Variants in LUC7L2 observed in about 807,000 individuals in gnomAD.
The protein encoded by LUC7L2 is putative RNA-binding protein Luc7-like 2.
A neutral mutation model predicts 52.8 loss-of-function variants in LUC7L2; 25 were observed. The observed-to-expected ratio is 0.47, with a 90% CI of 0.34 to 0.66. The LOEUF (loss-of-function observed/expected upper bound fraction) is 0.66. LUC7L2 is among the 30% of genes least tolerant of loss of function. The pLI, the probability that LUC7L2 is intolerant of heterozygous loss-of-function variation, is 0.01. For synonymous variants in LUC7L2, 144 were observed against 160.9 expected, an observed-to-expected ratio of 0.89 and a Z score of 0.80; for missense variants, 328 against 497.8, an observed-to-expected ratio of 0.66 and a Z score of 3.25.
At chr7:139,340,688 T>C (rs893093549) in intron 1 of LUC7L2, 8 of 393,206 alleles carry the variant, frequency 2.0e-5, no homozygotes, top group Admixed American at 4.4e-5. Flanking sequence ...TGTGAGCGCG[T>C]CGTTTGCAGA....
chr7:139,345,217 C>T (rs1336951410), intron 1 of LUC7L2, among the ~76,000 whole-genome samples: 1 of 152,090 alleles, frequency 6.6e-6, no homozygotes, highest in East Asian at 1.9e-4. Flanking sequence ...TTAGTTTCCT[C>T]ATCTGTAAAA....
chr7:139,412,536 A>ACTTTTT lies in LUC7L2; in HGVS notation c.780-15_780-14insCTTTTT. The ACTTTTT allele has an allele frequency of 7.0e-7, 1 of 1,427,928 alleles. No homozygotes were observed. The highest frequency in any genetic ancestry group is 1.3e-5 in the South Asian group (1 of 78,336). The allele number at this position is 1,427,928 out of a possible 1,614,324, so 88.5% of individuals were successfully genotyped here. On this transcript the variant is annotated splice_polypyrimidine_tract_variant and intron_variant, in intron 7 of 9. Coordinates refer to ENST00000354926, the MANE Select transcript of LUC7L2 (RefSeq NM_016019.5). ...TATAGCCACTTTTCTAAAAATACAT[A>ACTTTTT]TTTTTTTTTTTTAGGTCCCGATCAC...
intron 8 of LUC7L2, chr7:139,416,838 T>C (rs1478083355): frequency 2.6e-5 from 4 of 152,258 alleles, no homozygotes; most frequent in Admixed American, 2.0e-4. Context: ...TTCTCTTCCC[T>C]TCTGTCCAGG....
chr7:139,405,913 A>G (rs1795092927), intron 5 of LUC7L2, 126 bp downstream of exon 5: 1 of 1,326,840 alleles, frequency 7.5e-7, no homozygotes, highest in Non-Finnish European at 9.8e-7. Context: ...ATTATTGAAC[A>G]GTTGTTAAAG....
At position 139,360,181 on chromosome 7, in the gene LUC7L2, C is replaced by T. The variant is rs1799789206; in HGVS notation, c.-81C>T. The T allele has an allele frequency of 9.2e-7, 1 of 1,092,288 alleles. No individual in the cohort carries two copies. Among genetic ancestry groups the T allele is most frequent in the Non-Finnish European group, 1.3e-6 (1 of 752,628 alleles). 67.7% of individuals were successfully genotyped at this position (1,092,288 alleles called of 1,614,324 possible). On this transcript the variant is annotated 5_prime_UTR_variant, in exon 1 of 10. Coordinates refer to ENST00000354926, the MANE Select transcript of LUC7L2 (RefSeq NM_016019.5). ...CACCGAGACAGCAGCGCACCTTCCC[C>T]CATCCCTTCCCCTTATCCCCCAGCC... is the stretch of plus-strand genomic sequence containing the variant.
chr7:139,351,612 C>T (rs934329337), intron 1 of LUC7L2, among the ~76,000 whole-genome samples: 1 of 152,218 alleles, frequency 6.6e-6, no homozygotes, highest in African/African-American at 2.4e-5. Context: ...TAACAAGAAC[C>T]TCCAGGGCCT....
In LUC7L2 at chr7:139,375,554, C is replaced by T; in HGVS notation, c.62-508C>T. ...TGGAACAAAATAGTGGAAGAAATGG[C>T]GTCTGGGGTTCAGTGGGGATTCGCA... On this transcript the variant is annotated intron_variant, in intron 1 of 9. Coordinates refer to ENST00000354926, the MANE Select transcript of LUC7L2 (RefSeq NM_016019.5). 4 of 985,494 alleles carry T rather than the reference C, an allele frequency of 4.1e-6. No homozygotes were observed. The South Asian group carries it at 1.4e-4, about 35-fold the overall frequency. The allele number at this position is 985,494 out of a possible 1,614,324, so 61.0% of individuals were successfully genotyped here.
At chr7:139,396,176 C>T (rs955191913) in intron 2 of LUC7L2, among the ~76,000 whole-genome samples, 9 of 152,134 alleles carry the variant, frequency 5.9e-5, no homozygotes, top group African/African-American at 2.2e-4. Flanking sequence ...TGCAGTTGCT[C>T]ATACCTGTAA....
At chr7:139,343,921 G>A (rs1799127770) in intron 1 of LUC7L2, among the ~76,000 whole-genome samples, 1 of 100,866 alleles carries the variant, frequency 9.9e-6, no homozygotes, top group African/African-American at 6.3e-5. Context: ...GTGAGACCCT[G>A]TCCCCAAAAA....
intron 2 of LUC7L2, among the ~76,000 whole-genome samples, chr7:139,387,472 G>T (rs1041295017): frequency 6.6e-6 from 1 of 152,166 alleles, no homozygotes; most frequent in Admixed American, 6.5e-5. Flanking sequence ...GAGCCACTGC[G>T]CCTGGCTGAA....
chr7:139,397,646 T>G (rs530859043), intron 2 of LUC7L2, among the ~76,000 whole-genome samples: 1 of 152,344 alleles, frequency 6.6e-6, no homozygotes, highest in South Asian at 2.1e-4. Context: ...TAATCATACC[T>G]GTAATGATCC....
intron 1 of LUC7L2, among the ~76,000 whole-genome samples, chr7:139,347,354 G>C (rs1799301391): frequency 1.5e-5 from 1 of 66,210 alleles, no homozygotes; most frequent in Non-Finnish European, 2.5e-5. Context: ...TTGGGAAGCT[G>C]ATGTGGGCGG....
rs377583551 is a variant in LUC7L2, at chr7:139,404,212, C to A, written c.367-1432C>A. Among the ~76,000 whole-genome samples the A allele has an allele frequency of 3.3e-5, 5 of 152,110 alleles. No individual in the cohort carries two copies. In the South Asian group the frequency reaches 1.0e-3, roughly 31 times the overall value. ...GGTTTGTTGGGACTGGAAACTCATA[C>A]CAAACTAAAACCTTCGGCCGGGCGT... On this transcript the variant is annotated intron_variant, in intron 4 of 9. Coordinates refer to ENST00000354926, the MANE Select transcript of LUC7L2 (RefSeq NM_016019.5).
intron 1 of LUC7L2, among the ~76,000 whole-genome samples, chr7:139,368,009 A>AGTC (rs1421008712): frequency 3.3e-5 from 5 of 152,178 alleles, no homozygotes; most frequent in African/African-American, 9.7e-5. Flanking sequence ...GCTAGGACTA[A>AGTC]GCAGTCGATT....
At chr7:139,342,123 AG>A (rs1189392041) in intron 1 of LUC7L2, among the ~76,000 whole-genome samples, 2 of 152,154 alleles carry the variant, frequency 1.3e-5, no homozygotes, top group African/African-American at 4.8e-5. Context: ...AGTTTTTAAA[AG>A]GTGGCAACGT....
At position 139,400,611 on chromosome 7, in the gene LUC7L2, C is replaced by T. The variant is rs191844438; in HGVS notation, c.256-1526C>T. Among the ~76,000 whole-genome samples, 319 of 152,220 alleles carry T rather than the reference C, an allele frequency of 2.1e-3. 2 individuals carry two copies. Among genetic ancestry groups the T allele is most frequent in the Non-Finnish European group, 2.2e-3 (153 of 68,006 alleles). On this transcript the variant is annotated intron_variant, in intron 3 of 9. Transcript: ENST00000354926. Reference sequence around the variant, plus strand: ...TGTGGTTTCTTCTGGCATATTTTGGCTTCATTTTATAGACTTTTAAGTCCT... The same window carrying T: ...TGTGGTTTCTTCTGGCATATTTTGGTTTCATTTTATAGACTTTTAAGTCCT...
chr7:139,387,714 A>G (rs967103039), intron 2 of LUC7L2, among the ~76,000 whole-genome samples: 2 of 152,126 alleles, frequency 1.3e-5, no homozygotes, highest in African/African-American at 4.8e-5. Flanking sequence ...TACCCAGGCT[A>G]CTTCTCCCTT....
chr7:139,387,231 C>T (rs1310223334), intron 2 of LUC7L2, among the ~76,000 whole-genome samples: 25 of 152,130 alleles, frequency 1.6e-4, no homozygotes, highest in Non-Finnish European at 2.9e-5. Flanking sequence ...GATAATATGA[C>T]TTGTAAAGCT....
At chr7:139,358,790 T>G (rs560320239), upstream of LUC7L2, among the ~76,000 whole-genome samples, 1 of 152,240 alleles carries the variant, frequency 6.6e-6, no homozygotes, top group African/African-American at 2.4e-5. Context: ...GTTCAAACGA[T>G]TCTCCTGCCT....
Sources: allele counts gnomAD v4.1 joint callset (sites outside exome capture counted in the v4.1 genomes callset), GRCh38; gene constraint gnomAD v4.1.1; transcripts MANE v1.5; gene names NCBI Gene and HGNC (gene_info 2026-07-23, HGNC 2026-07-21).